Variants in PIEZO2 observed in about 807,000 individuals in gnomAD.
The protein encoded by PIEZO2 is piezo type mechanosensitive ion channel component 2, also known as piezo-type mechanosensitive ion channel component 2.
In PIEZO2, 172 loss-of-function variants were observed where a neutral mutation model predicts 337.3. The ratio of observed to expected loss-of-function variants is 0.51; its 90% CI spans 0.45 to 0.58. The LOEUF (loss-of-function observed/expected upper bound fraction) is 0.58. Among genes scored for constraint, PIEZO2 ranks in the 20% least tolerant of loss-of-function variants. The pLI, the probability that PIEZO2 is intolerant of heterozygous loss-of-function variation, is 0.00. For missense variants in PIEZO2, 3,028 were observed against 3,391.3 expected, an observed-to-expected ratio of 0.89 and a Z score of 2.66; for synonymous variants, 1,251 against 1,228.5, an observed-to-expected ratio of 1.02 and a Z score of -0.38.
intron 4 of PIEZO2, among the ~76,000 whole-genome samples, chr18:10,906,015 G>T (rs1055889241): frequency 3.3e-5 from 5 of 152,096 alleles, no homozygotes; most frequent in Non-Finnish European, 7.4e-5. Flanking sequence ...GGAGGTGGTT[G>T]GAAATTTCTT....
At chr18:10,887,756 C>T (rs1387849583) in intron 4 of PIEZO2, among the ~76,000 whole-genome samples, 1 of 152,186 alleles carries the variant, frequency 6.6e-6, no homozygotes, top group African/African-American at 2.4e-5. Flanking sequence ...CTTTGTCTTT[C>T]ATGCCTTTGA....
intron 2 of PIEZO2, among the ~76,000 whole-genome samples, chr18:11,042,436 G>C (rs2037158224): frequency 6.6e-6 from 1 of 152,202 alleles, no homozygotes; most frequent in Non-Finnish European, 1.5e-5. Context: ...AGCTAGTGTG[G>C]GAAGAGGAAG....
rs912174539 is a variant in PIEZO2, at chr18:11,099,073, G to A, written c.65-32851C>T. ...CTTGCCTCAGCCTCCCAAAGTGCTG[G>A]GATTACAGGCATCAGCCACTGCACC... On this transcript the variant is annotated intron_variant, in intron 1 of 55. Transcript: ENST00000674853. This position sits in a 1 kb window ranked among gnomAD's most constrained non-coding sequence, Gnocchi z 5.4. Among the ~76,000 whole-genome samples, 13 of 151,856 alleles carry A rather than the reference G, an allele frequency of 8.6e-5. No homozygotes were observed. Among genetic ancestry groups the A allele is most frequent in the African/African-American group, 3.1e-4 (13 of 41,332 alleles).
chr18:11,034,383 C>T (rs1191202236), intron 2 of PIEZO2, among the ~76,000 whole-genome samples: 3 of 151,782 alleles, frequency 2.0e-5, no homozygotes, highest in Non-Finnish European at 4.4e-5. Flanking sequence ...GCAAGCTCCG[C>T]CTCCCAGGTT....
chr18:10,711,615 CA>C (rs150306811), intron 39 of PIEZO2, among the ~76,000 whole-genome samples: 20 of 150,936 alleles, frequency 1.3e-4, no homozygotes, highest in Admixed American at 6.6e-5. Flanking sequence ...ATTCAGGTAA[CA>C]AAAAAAAATC....
chr18:10,875,590 T>G (rs4998921), intron 4 of PIEZO2, among the ~76,000 whole-genome samples: 2,065 of 152,222 alleles, frequency 0.014, 52 homozygotes, highest in African/African-American at 0.048. Flanking sequence ...GAAAACAAAT[T>G]GACTGTGTCA....
At position 11,048,613 on chromosome 18, in the gene PIEZO2, T is replaced by C. The variant is rs1173170078; in HGVS notation, c.160+17514A>G. On this transcript the variant is annotated intron_variant, in intron 2 of 55. Transcript: ENST00000674853. This position sits in a 1 kb window ranked among gnomAD's most constrained non-coding sequence, Gnocchi z 4.5. ...CAGCAGAATGAGGGAAATGCTTATA[T>C]AGATAACTGAATTATTTATATTAGA... is the stretch of plus-strand genomic sequence containing the variant. Among the ~76,000 whole-genome samples, 1 of 152,254 alleles carries C rather than the reference T, an allele frequency of 6.6e-6. No homozygotes were observed. The highest frequency in any genetic ancestry group is 1.5e-5 in the Non-Finnish European group (1 of 68,046).
rs150027242 is a variant in PIEZO2, at chr18:10,746,901, C to T, written c.4424+1570G>A. On this transcript the variant is annotated intron_variant, in intron 30 of 55. Coordinates refer to ENST00000674853, the MANE Select transcript of PIEZO2 (RefSeq NM_001378183.1). This position sits in a 1 kb window ranked among gnomAD's most constrained non-coding sequence, Gnocchi z 4.2. ...TACTTTATGGTATTTTTGTTATGTCCGCCCAAATGGACTGAGACGATACCA... is the reference window on the plus strand; with the variant it reads ...TACTTTATGGTATTTTTGTTATGTCTGCCCAAATGGACTGAGACGATACCA... Among the ~76,000 whole-genome samples, 448 of 152,226 alleles carry T rather than the reference C, an allele frequency of 2.9e-3. 2 individuals carry two copies. Among genetic ancestry groups the T allele is most frequent in the Non-Finnish European group, 4.9e-3 (333 of 68,020 alleles).
intron 52 of PIEZO2, 145 bp downstream of exon 52, chr18:10,680,054 G>C (rs1375332606): frequency 1.7e-6 from 1 of 578,676 alleles, no homozygotes; most frequent in East Asian, 3.2e-5. Flanking sequence ...TGGCATTGAA[G>C]GTAAGTTCCC....
rs1361895646 is a variant in PIEZO2 at position 10,742,429 on chromosome 18, C to A, written c.4636+65G>T. 4.0e-6 allele frequency: 6 copies of A among 1,497,648 alleles called. No individual in the cohort carries two copies. In the African/African-American group the frequency reaches 8.3e-5, roughly 21 times the overall value. 92.8% of individuals were successfully genotyped at this position (1,497,648 alleles called of 1,614,324 possible). ...ATAAGAAGTAATGTTATTTTACAGCCCTGCTCAATATCATGCTATTATTCA... is the reference window on the plus strand; with the variant it reads ...ATAAGAAGTAATGTTATTTTACAGCACTGCTCAATATCATGCTATTATTCA... On this transcript the variant is annotated intron_variant, in intron 32 of 55. Transcript: ENST00000674853.
intron 1 of PIEZO2, among the ~76,000 whole-genome samples, chr18:11,107,812 C>A (rs111777036): frequency 0.012 from 1,756 of 152,322 alleles, 22 homozygotes; most frequent in South Asian, 0.021. Flanking sequence ...GTGAAGCCTG[C>A]AGCAAAGGGA....
chr18:10,925,673 G>A (rs894417809), intron 3 of PIEZO2, among the ~76,000 whole-genome samples: 7 of 152,244 alleles, frequency 4.6e-5, no homozygotes, highest in East Asian at 1.9e-4. Context: ...TCTGCCTCCC[G>A]TGTTCACGCC....
At chr18:11,042,047 C>G (rs2037142017) in intron 2 of PIEZO2, among the ~76,000 whole-genome samples, 1 of 152,208 alleles carries the variant, frequency 6.6e-6, no homozygotes, top group South Asian at 2.1e-4. Flanking sequence ...GCCAAATCAT[C>G]TCTCTGGTAA....
chr18:10,681,993 A>G, intron 50 of PIEZO2, 111 bp downstream of exon 50: 1 of 1,107,098 alleles, frequency 9.0e-7, no homozygotes, highest in Non-Finnish European at 1.3e-6. Context: ...TGAGCAGTCA[A>G]ATGCCGACAG....
chr18:10,936,572 C>A (rs1229430685), intron 3 of PIEZO2, among the ~76,000 whole-genome samples: 1 of 152,044 alleles, frequency 6.6e-6, no homozygotes, highest in Non-Finnish European at 1.5e-5. Context: ...TTGGCTAATT[C>A]TTCTGGATGG....
intron 15 of PIEZO2, among the ~76,000 whole-genome samples, chr18:10,787,682 G>A (rs1315452370): frequency 1.3e-5 from 2 of 152,156 alleles, no homozygotes; most frequent in African/African-American, 4.8e-5. Context: ...CATCCATCCT[G>A]AATTTTTAAG....
At chr18:10,697,638 C>A in intron 45 of PIEZO2, 110 bp downstream of exon 45, 1 of 1,401,858 alleles carries the variant, frequency 7.1e-7, no homozygotes, top group South Asian at 1.5e-5. Context: ...ACGCAGATAA[C>A]ATTTGTGACA....
At chr18:10,810,821 G>A (rs1375323671) in intron 7 of PIEZO2, among the ~76,000 whole-genome samples, 1 of 152,124 alleles carries the variant, frequency 6.6e-6, no homozygotes, top group Non-Finnish European at 1.5e-5. Flanking sequence ...GAGCTTCATA[G>A]ACTCTCTGAT....
chr18:11,079,195 TA>T (rs1435480937), intron 1 of PIEZO2, among the ~76,000 whole-genome samples: 1 of 152,198 alleles, frequency 6.6e-6, no homozygotes, highest in Non-Finnish European at 1.5e-5. Flanking sequence ...CGTTCCACCA[TA>T]TATTTACGAA....
Sources: allele counts gnomAD v4.1 joint callset (sites outside exome capture counted in the v4.1 genomes callset), GRCh38; gene constraint gnomAD v4.1.1; non-coding constraint Gnocchi (gnomAD v3.1); transcripts MANE v1.5; gene names NCBI Gene and HGNC (gene_info 2026-07-23, HGNC 2026-07-21).